Variants in CSMD3 observed in about 807,000 individuals in gnomAD.
The protein encoded by CSMD3 is CUB and sushi domain-containing protein 3.
CSMD3 carries 177 observed loss-of-function variants against 435.2 expected under a neutral mutation model. The ratio of observed to expected loss-of-function variants is 0.41; its 90% confidence interval spans 0.36 to 0.46. CSMD3 has a LOEUF of 0.46. CSMD3 is among the 20% of genes least tolerant of loss of function. The probability of loss-of-function intolerance (pLI) is 0.34; values close to 1 mark genes in which losing one functional copy is unlikely to be tolerated. For missense variants in CSMD3, 4,265 were observed against 4,504.6 expected, an observed-to-expected ratio of 0.95 and a Z score of 1.52; for synonymous variants, 1,656 against 1,520.5, an observed-to-expected ratio of 1.09 and a Z score of -2.07.
At chr8:112,984,477 T>G (rs1025381343) in intron 6 of CSMD3, among the ~76,000 whole-genome samples, 1 of 152,076 alleles carries the variant, frequency 6.6e-6, no homozygotes, top group Non-Finnish European at 1.5e-5. Context: ...AATCATATAT[T>G]TTAATGTTAT....
intron 66 of CSMD3, among the ~76,000 whole-genome samples, chr8:112,239,352 T>C (rs1369250325): frequency 6.6e-6 from 1 of 152,132 alleles, no homozygotes; most frequent in Non-Finnish European, 1.5e-5. Flanking sequence ...TTGAATTTGA[T>C]TTGCTAAGAT....
intron 3 of CSMD3, among the ~76,000 whole-genome samples, chr8:113,205,976 T>C (rs79433374): frequency 1.3e-5 from 2 of 152,214 alleles, no homozygotes; most frequent in East Asian, 1.9e-4. Context: ...CCACCAAATA[T>C]GGCCTGATGC....
chr8:112,593,578 T>C (rs1563743612), intron 22 of CSMD3, among the ~76,000 whole-genome samples: 1 of 152,138 alleles, frequency 6.6e-6, no homozygotes, highest in African/African-American at 2.4e-5. Context: ...ATTGATCTTT[T>C]AAAGCCACAG....
intron 28 of CSMD3, among the ~76,000 whole-genome samples, chr8:112,508,924 A>T (rs1294807318): frequency 6.6e-6 from 1 of 152,202 alleles, no homozygotes; most frequent in Admixed American, 6.5e-5. Flanking sequence ...CAAAGCAGAA[A>T]ACTAAAGGAG....
At chr8:112,360,553 C>CAAGTGGT (rs1827090459) in intron 38 of CSMD3, among the ~76,000 whole-genome samples, 1 of 151,640 alleles carries the variant, frequency 6.6e-6, no homozygotes, top group African/African-American at 2.4e-5. Context: ...GTAAATATGC[C>CAAGTGGT]AAATGGTGGT....
At chr8:112,326,718 T>G (rs1823546227) in intron 45 of CSMD3, among the ~76,000 whole-genome samples, 1 of 152,154 alleles carries the variant, frequency 6.6e-6, no homozygotes, top group Non-Finnish European at 1.5e-5. Flanking sequence ...TTTTCTGATT[T>G]AAATTGGATA....
chr8:112,372,981 ATATATTTATATTT>A (rs1828563479), intron 38 of CSMD3, among the ~76,000 whole-genome samples: 1 of 135,298 alleles, frequency 7.4e-6, no homozygotes, highest in African/African-American at 2.5e-5. Context: ...ATATATATAT[ATATATTTATATTT>A]TATATATAAA....
intron 1 of CSMD3, among the ~76,000 whole-genome samples, chr8:113,318,654 A>G (rs1248029766): frequency 6.6e-6 from 1 of 152,044 alleles, no homozygotes; most frequent in Non-Finnish European, 1.5e-5. Flanking sequence ...TAAAAAAAAT[A>G]TATTCCACAT....
At chr8:112,852,995 T>G (rs2080537832) in intron 11 of CSMD3, among the ~76,000 whole-genome samples, 1 of 152,168 alleles carries the variant, frequency 6.6e-6, no homozygotes, top group Non-Finnish European at 1.5e-5. Flanking sequence ...CATTTTGGAA[T>G]TTTTATTAGT....
chr8:112,547,493 A>G (rs1315293050), intron 27 of CSMD3, among the ~76,000 whole-genome samples: 1 of 152,104 alleles, frequency 6.6e-6, no homozygotes, highest in Non-Finnish European at 1.5e-5. Context: ...GGTTGCAGTG[A>G]GCTGTGATTG....
At chr8:113,063,666 C>A (rs2088715886) in intron 5 of CSMD3, among the ~76,000 whole-genome samples, 1 of 151,852 alleles carries the variant, frequency 6.6e-6, no homozygotes, top group Non-Finnish European at 1.5e-5. Flanking sequence ...CATGTTACTG[C>A]ATTTTTACCT....
chr8:112,650,363 G>A lies in CSMD3; in HGVS notation c.3005-14C>T, dbSNP rs931157275. The A allele has an allele frequency of 6.2e-7, 1 of 1,605,018 alleles. No homozygotes were observed. Among genetic ancestry groups the A allele is most frequent in the Non-Finnish European group, 8.5e-7 (1 of 1,171,910 alleles). Reference sequence around the variant, plus strand: ...TCACTGTAACACCTGGAAAACAAAGGGAAGAAAATAAAGAGTAAGCTTGGT... The same window carrying A: ...TCACTGTAACACCTGGAAAACAAAGAGAAGAAAATAAAGAGTAAGCTTGGT... On this transcript the variant is annotated splice_polypyrimidine_tract_variant and intron_variant, in intron 18 of 70. Transcript: ENST00000297405.
At chr8:112,930,297 T>C (rs2083064563) in intron 9 of CSMD3, among the ~76,000 whole-genome samples, 2 of 152,112 alleles carry the variant, frequency 1.3e-5, no homozygotes, top group Admixed American at 1.3e-4. Context: ...AACTAAATAA[T>C]GTAATGAAGA....
At chr8:112,286,252 T>C (rs1453567979) in intron 58 of CSMD3, among the ~76,000 whole-genome samples, 3 of 152,154 alleles carry the variant, frequency 2.0e-5, no homozygotes. Context: ...CTCTACAATA[T>C]AGGTACACTA....
intron 5 of CSMD3, among the ~76,000 whole-genome samples, chr8:113,076,276 G>GCT (rs1440263532): frequency 6.6e-6 from 1 of 151,554 alleles, no homozygotes; most frequent in Non-Finnish European, 1.5e-5. Context: ...GAAGTTGATA[G>GCT]CTTGTCATTA....
At chr8:112,610,108 T>C (rs1415572604) in intron 22 of CSMD3, among the ~76,000 whole-genome samples, 1 of 152,130 alleles carries the variant, frequency 6.6e-6, no homozygotes, top group Non-Finnish European at 1.5e-5. Flanking sequence ...GCATGATTAC[T>C]ATAGTTAATA....
chr8:112,539,622 T>A (rs1826472892), intron 27 of CSMD3, among the ~76,000 whole-genome samples: 1 of 151,960 alleles, frequency 6.6e-6, no homozygotes, highest in Admixed American at 6.6e-5. Context: ...AATCCATACA[T>A]CTACAGCCAA....
chr8:113,064,654 C>G (rs988528335), intron 5 of CSMD3, among the ~76,000 whole-genome samples: 1 of 152,144 alleles, frequency 6.6e-6, no homozygotes, highest in Non-Finnish European at 1.5e-5. Flanking sequence ...CTATAGCCAA[C>G]AGGTAGCTTG....
chr8:112,674,785 A>G (rs1371279088), intron 16 of CSMD3, among the ~76,000 whole-genome samples: 1 of 152,126 alleles, frequency 6.6e-6, no homozygotes, highest in African/African-American at 2.4e-5. Context: ...AAACATCTCC[A>G]TTCTCTAAGA....
Sources: allele counts gnomAD v4.1 joint callset (sites outside exome capture counted in the v4.1 genomes callset), GRCh38; gene constraint gnomAD v4.1.1; transcripts MANE v1.5; gene names NCBI Gene and HGNC (gene_info 2026-07-23, HGNC 2026-07-21).